The following SLC45A4 variants were observed in gnomAD, a reference collection of about 807,000 sequenced individuals.
SLC45A4 encodes the protein polyamine-transporter SLC45A4.
SLC45A4 carries 32 observed loss-of-function variants against 63.7 expected under a neutral mutation model. The observed-to-expected ratio is 0.50, with a 90% CI of 0.38 to 0.67. The LOEUF is 0.67. Ranked by LOEUF, SLC45A4 falls within the 30% of genes least tolerant of loss-of-function variation. The probability of loss-of-function intolerance (pLI) is 0.00; values close to 1 mark genes in which losing one functional copy is unlikely to be tolerated. For missense variants in SLC45A4, 1,027 were observed against 1,157.7 expected (o/e 0.89, Z 1.64); for synonymous variants, 535 against 510.0 (o/e 1.05, Z -0.66).
intron 2 of SLC45A4, chr8:141,224,932 C>T (rs1353694921): frequency 6.6e-6 from 1 of 152,260 alleles, no homozygotes; most frequent in African/African-American, 2.4e-5. Context: ...CTTCTGTCCC[C>T]TCCAATCTGC....
chr8:141,249,790 C>A (rs1828382287), intron 2 of SLC45A4, among the ~76,000 whole-genome samples: 1 of 152,194 alleles, frequency 6.6e-6, no homozygotes, highest in African/African-American at 2.4e-5. Context: ...CACTACGTTG[C>A]CCTTGTAAGT....
At chr8:141,295,446 C>T (rs376018391) in intron 1 of SLC45A4, among the ~76,000 whole-genome samples, 2 of 152,198 alleles carry the variant, frequency 1.3e-5, no homozygotes, top group South Asian at 2.1e-4. Context: ...GAGATAACAG[C>T]GCATCACAGG....
intron 2 of SLC45A4, among the ~76,000 whole-genome samples, chr8:141,248,564 TAAA>T (rs1319902599): frequency 6.7e-6 from 1 of 149,832 alleles, no homozygotes; most frequent in Admixed American, 6.7e-5. Context: ...AGTCCCTGTT[TAAA>T]AAAAAAAATA....
chr8:141,308,205 G>T lies in SLC45A4; in HGVS notation c.-510C>A. On this transcript the variant is annotated 5_prime_UTR_variant, in exon 1 of 9. Transcript: ENST00000517878. Reference sequence around the variant, plus strand: ...GCACCGGGGTCGGGAGGCGGCTGCGGGTCCGGGCGGGGGCTGCTCCCTCGG... The same window carrying T: ...GCACCGGGGTCGGGAGGCGGCTGCGTGTCCGGGCGGGGGCTGCTCCCTCGG... 1 of 147,786 alleles carries T rather than the reference G, an allele frequency of 6.8e-6. No individual in the cohort carries two copies. The highest frequency in any genetic ancestry group is 1.8e-4 in the South Asian group (1 of 5,528). The allele number at this position is 147,786 out of a possible 1,614,324, so 9.2% of individuals were successfully genotyped here.
At chr8:141,279,384 C>T (rs143056931) in intron 1 of SLC45A4, among the ~76,000 whole-genome samples, 223 of 152,382 alleles carry the variant, frequency 1.5e-3, no homozygotes, top group African/African-American at 4.9e-3. Context: ...AGGAGCAAGT[C>T]GGCTAAGAGT....
chr8:141,280,393 T>G (rs956987177), intron 1 of SLC45A4, among the ~76,000 whole-genome samples: 1 of 152,208 alleles, frequency 6.6e-6, no homozygotes, highest in African/African-American at 2.4e-5. Context: ...AGATGATTGT[T>G]GGAAATAAAA....
intron 5 of SLC45A4, 58 bp from the exon 6 acceptor site, chr8:141,217,247 G>A: frequency 1.3e-6 from 2 of 1,560,690 alleles, no homozygotes; most frequent in Non-Finnish European, 8.8e-7. Context: ...TCCAGGCCAG[G>A]AGCGTATTTC....
At chr8:141,271,058 TCTGA>T (rs2154614930) in intron 1 of SLC45A4, among the ~76,000 whole-genome samples, 1 of 152,322 alleles carries the variant, frequency 6.6e-6, no homozygotes, top group South Asian at 2.1e-4. Flanking sequence ...CCACAAAGGC[TCTGA>T]CTGACATCGA....
intron 7 of SLC45A4, among the ~76,000 whole-genome samples, chr8:141,213,038 CA>C (rs1286751378): frequency 1.3e-5 from 2 of 149,872 alleles, no homozygotes; most frequent in Non-Finnish European, 3.0e-5. Context: ...CACAAAGATA[CA>C]AAAGAAAACT....
chr8:141,216,160 G>C (rs1826138587), intron 6 of SLC45A4, among the ~76,000 whole-genome samples, 190 bp from the exon 7 acceptor site: 1 of 152,136 alleles, frequency 6.6e-6, no homozygotes, highest in South Asian at 2.1e-4. Flanking sequence ...GGGCCCGCTG[G>C]GATGCCCAGT....
intron 1 of SLC45A4, among the ~76,000 whole-genome samples, chr8:141,303,397 C>G (rs905877225): frequency 1.3e-5 from 2 of 150,892 alleles, no homozygotes; most frequent in Non-Finnish European, 2.9e-5. Context: ...GCCTCAGCCT[C>G]CAAGAGTGCT....
chr8:141,216,593 C>G (rs566335293), intron 6 of SLC45A4, among the ~76,000 whole-genome samples: 58 of 152,350 alleles, frequency 3.8e-4, no homozygotes, highest in Non-Finnish European at 6.8e-4. Context: ...TCCCCATGTT[C>G]AGAGTCCAGG....
intron 1 of SLC45A4, among the ~76,000 whole-genome samples, chr8:141,286,734 C>T (rs1830160735): frequency 7.4e-6 from 1 of 135,838 alleles, no homozygotes; most frequent in South Asian, 2.9e-4. Flanking sequence ...GCAGCAGCCC[C>T]CCCGCCCCCC....
At chr8:141,246,954 T>C (rs1237567592) in intron 2 of SLC45A4, among the ~76,000 whole-genome samples, 1 of 151,896 alleles carries the variant, frequency 6.6e-6, no homozygotes, top group African/African-American at 2.4e-5. Flanking sequence ...CACCATCTAA[T>C]AATAGAAAAA....
chr8:141,269,085 C>T (rs1279909823), intron 1 of SLC45A4, among the ~76,000 whole-genome samples: 1 of 152,192 alleles, frequency 6.6e-6, no homozygotes, highest in Non-Finnish European at 1.5e-5. Flanking sequence ...GTCTGCACTG[C>T]AGCCACTCCT....
chr8:141,219,603 C>G, intron 4 of SLC45A4, 47 bp downstream of exon 4: 1 of 1,561,572 alleles, frequency 6.4e-7, no homozygotes, highest in East Asian at 2.3e-5. Flanking sequence ...ACACCAGGCC[C>G]GGGCACGTTG....
Position 141,221,587 on chromosome 8 carries a change from G to A in SLC45A4, c.420C>T (p.Gly140=). Residue 140 remains glycine, a synonymous_variant, in exon 3 of 9, where the codon GGC becomes GGT. Transcript: ENST00000517878. The part of the protein sequence containing the change: ...VLFGVALFLN[G]SAIGLALGDV... Reference sequence around the variant, plus strand: ...GGCCGAGAAACTTACCGATGGCAGAGCCGTTAAGGAAAAGTGCAACGCCAA... The same window carrying A: ...GGCCGAGAAACTTACCGATGGCAGAACCGTTAAGGAAAAGTGCAACGCCAA... 5 of 1,612,438 alleles carry A rather than the reference G, an allele frequency of 3.1e-6. No homozygotes were observed. The highest frequency in any genetic ancestry group is 4.2e-6 in the Non-Finnish European group (5 of 1,179,596).
chr8:141,306,989 G>C (rs1830916342), intron 1 of SLC45A4, among the ~76,000 whole-genome samples: 1 of 152,202 alleles, frequency 6.6e-6, no homozygotes, highest in Admixed American at 6.5e-5. Context: ...TATCAGATGG[G>C]GGTCAGTGGC....
At chr8:141,247,874 G>C (rs1413909863) in intron 2 of SLC45A4, among the ~76,000 whole-genome samples, 1 of 152,248 alleles carries the variant, frequency 6.6e-6, no homozygotes, top group Non-Finnish European at 1.5e-5. Flanking sequence ...AATGCCAACA[G>C]AGGTGCCATG....
Sources: gnomAD v4.1 joint callset for allele counts (sites outside exome capture counted in the v4.1 genomes callset) on GRCh38, gnomAD v4.1.1 for gene constraint, MANE v1.5 for transcripts, NCBI Gene and HGNC (gene_info 2026-07-23, HGNC 2026-07-21) for gene names.